Variants in ST14 observed in about 807,000 individuals in gnomAD.
The protein encoded by ST14 is suppressor of tumorigenicity 14 protein.
Under a neutral mutation model 96.5 loss-of-function variants are expected in ST14, and 40 were observed. The ratio of observed to expected loss-of-function variants is 0.41; its 90% CI spans 0.32 to 0.54. The LOEUF is 0.54. Among genes scored for constraint, ST14 ranks in the 20% least tolerant of loss-of-function variants. The pLI, the probability that ST14 is intolerant of heterozygous loss-of-function variation, is 0.17. For synonymous variants in ST14, 506 were observed against 492.1 expected, an observed-to-expected ratio of 1.03 and a Z score of -0.37; for missense variants, 1,066 against 1,188.9, an observed-to-expected ratio of 0.90 and a Z score of 1.52.
chr11:130,184,005 C>A (rs1591884676), intron 1 of ST14, among the ~76,000 whole-genome samples: 1 of 152,208 alleles, frequency 6.6e-6, no homozygotes, highest in Non-Finnish European at 1.5e-5. Context: ...TCAGAGGAAT[C>A]GTGCGGAGTG....
At chr11:130,196,829 C>A in intron 11 of ST14, 129 bp downstream of exon 11, 1 of 1,427,486 alleles carries the variant, frequency 7.0e-7, no homozygotes, top group Non-Finnish European at 9.8e-7. Context: ...TCTCACCCCT[C>A]CCGTAGCTTT....
Position 130,200,180 on chromosome 11 carries a change from T to C in ST14, c.1994+43T>C, listed in dbSNP as rs766219214. 8 of 1,607,360 alleles carry C rather than the reference T, an allele frequency of 5.0e-6. No individual in the cohort carries two copies. In the Admixed American group the frequency reaches 1.0e-4, roughly 20 times the overall value. On this transcript the variant is annotated intron_variant, in intron 16 of 18. Coordinates refer to ENST00000278742, the MANE Select transcript of ST14 (RefSeq NM_021978.4). ...CAGCAGGGAGCCTCCTTGCTGGCCC[T>C]TTGCATCTGGGAGTAATGCCAGGAT...
In ST14 at chr11:130,196,661, G is replaced by A. The variant is rs1953368935; in HGVS notation, c.1315G>A (p.Gly439Ser). 1.2e-6 allele frequency: 2 copies of A among 1,614,182 alleles called. No individual in the cohort carries two copies. Among genetic ancestry groups the A allele is most frequent in the South Asian group, 2.2e-5 (2 of 91,070 alleles). Reference sequence around the variant, plus strand: ...CTCAGATCAGTCCTACACCGACACCGGCTTCTTAGCTGAATACCTCTCCTA... The same window carrying A: ...CTCAGATCAGTCCTACACCGACACCAGCTTCTTAGCTGAATACCTCTCCTA... ...FHSDQSYTDTGFLAEYLSYDS... is the reference protein window; with the variant it reads ...FHSDQSYTDTSFLAEYLSYDS... Residue 439 changes from glycine to serine, a missense_variant, in exon 11 of 19, where the codon GGC (glycine) becomes AGC (serine). Physicochemically the swap from Gly to Ser is moderately conservative, Grantham distance 56 (BLOSUM62 0). Transcript: ENST00000278742.
At chr11:130,163,605 T>G (rs545571566) in intron 1 of ST14, among the ~76,000 whole-genome samples, 1 of 152,182 alleles carries the variant, frequency 6.6e-6, no homozygotes, top group South Asian at 2.1e-4. Flanking sequence ...GCTGGGCAGG[T>G]GTGTGCAGTG....
At chr11:130,179,385 GAGA>G (rs1953170057) in intron 1 of ST14, among the ~76,000 whole-genome samples, 1 of 152,232 alleles carries the variant, frequency 6.6e-6, no homozygotes, top group African/African-American at 2.4e-5. Context: ...GGCTTCTAGA[GAGA>G]TCGATTACCC....
intron 15 of ST14, 48 bp from the exon 16 acceptor site, chr11:130,199,903 T>C (rs1391691725): frequency 6.2e-7 from 1 of 1,611,138 alleles, no homozygotes; most frequent in Admixed American, 1.7e-5. Context: ...TGTGGTTTGA[T>C]GTCCCCACCT....
chr11:130,194,339 G>A (rs372675814), intron 8 of ST14, 51 bp downstream of exon 8: 4 of 1,610,830 alleles, frequency 2.5e-6, no homozygotes, highest in African/African-American at 2.7e-5. Flanking sequence ...CAGAGAAGGG[G>A]AAGGCCTTAG....
chr11:130,207,280 G>T (rs1953498883), intron 16 of ST14, among the ~76,000 whole-genome samples: 2 of 152,240 alleles, frequency 1.3e-5, no homozygotes, highest in South Asian at 4.1e-4. Context: ...AGCGGGCACG[G>T]TGGCTTATGC....
chr11:130,194,101 G>A, intron 7 of ST14, 48 bp from the exon 8 acceptor site: 1 of 1,613,870 alleles, frequency 6.2e-7, no homozygotes, highest in Non-Finnish European at 8.5e-7. Flanking sequence ...TGTGTGAGAA[G>A]CTTGGGTTCT....
chr11:130,193,750 G>A (rs1465668367), intron 7 of ST14, among the ~76,000 whole-genome samples: 4 of 152,380 alleles, frequency 2.6e-5, no homozygotes, highest in Middle Eastern at 3.4e-3. Context: ...GTTTATAGGC[G>A]TGAGCCACTG....
intron 7 of ST14, among the ~76,000 whole-genome samples, chr11:130,193,564 G>T (rs935007900): frequency 6.6e-6 from 1 of 151,894 alleles, no homozygotes; most frequent in Admixed American, 6.6e-5. Context: ...CCGCCTCCCG[G>T]GTTCCGGTGA....
At chr11:130,179,516 G>A (rs1432663164) in intron 1 of ST14, among the ~76,000 whole-genome samples, 3 of 152,182 alleles carry the variant, frequency 2.0e-5, no homozygotes, top group Non-Finnish European at 4.4e-5. Flanking sequence ...CCCGTGCTGG[G>A]CCCTGGACTG....
intron 9 of ST14, 131 bp downstream of exon 9, chr11:130,194,868 G>A: frequency 8.0e-6 from 7 of 879,486 alleles, no homozygotes; most frequent in Non-Finnish European, 1.3e-5. Context: ...GTGTGTGTGT[G>A]TGTGTGTGCG....
chr11:130,194,453 G>A (rs547758893), intron 8 of ST14, among the ~76,000 whole-genome samples, 165 bp downstream of exon 8: 24 of 152,348 alleles, frequency 1.6e-4, no homozygotes, highest in African/African-American at 4.6e-4. Flanking sequence ...GCATCTGGCC[G>A]ACCGCCTGGG....
intron 1 of ST14, among the ~76,000 whole-genome samples, chr11:130,165,596 A>T (rs1256462363): frequency 6.6e-6 from 1 of 152,198 alleles, no homozygotes; most frequent in Non-Finnish European, 1.5e-5. Context: ...AACTGATCAA[A>T]ATCTTGGATC....
At position 130,209,886 on chromosome 11, in the gene ST14, G is replaced by T; in HGVS notation, c.*63G>T. 6.3e-7 allele frequency: 1 copy of T among 1,591,136 alleles called. No homozygotes were observed. On this transcript the variant is annotated 3_prime_UTR_variant, in exon 19 of 19. Transcript: ENST00000278742. Reference sequence around the variant, plus strand: ...ACCCATCGTCCACCCCAGTGTGCACGCCTGCAGGCTGGAGACTGGACCGCT... The same window carrying T: ...ACCCATCGTCCACCCCAGTGTGCACTCCTGCAGGCTGGAGACTGGACCGCT...
intron 16 of ST14, among the ~76,000 whole-genome samples, chr11:130,206,629 G>A (rs936224557): frequency 9.3e-5 from 12 of 129,560 alleles, no homozygotes; most frequent in African/African-American, 2.9e-4. Context: ...GTTCAGTGGT[G>A]CGATCTTGGC....
At chr11:130,164,989 G>A (rs190892604) in intron 1 of ST14, among the ~76,000 whole-genome samples, 55 of 152,028 alleles carry the variant, frequency 3.6e-4, no homozygotes, top group Admixed American at 3.3e-3. Flanking sequence ...TGCCCACCTC[G>A]GCCTCCCAAA....
intron 1 of ST14, among the ~76,000 whole-genome samples, chr11:130,175,809 G>A (rs544192303): frequency 4.6e-5 from 7 of 152,138 alleles, no homozygotes; most frequent in South Asian, 4.1e-4. Context: ...GACTACAGGC[G>A]TGTGCCACCA....
Sources: gnomAD v4.1 joint callset for allele counts (sites outside exome capture counted in the v4.1 genomes callset) on GRCh38, gnomAD v4.1.1 for gene constraint, MANE v1.5 for transcripts, NCBI Gene and HGNC (gene_info 2026-07-23, HGNC 2026-07-21) for gene names.